QSOX2: variants seen among roughly 807,000 people sequenced by gnomAD.
QSOX2 encodes the protein sulfhydryl oxidase 2.
Under a neutral mutation model 61.7 loss-of-function variants are expected in QSOX2, and 46 were observed. That is an observed-to-expected ratio of 0.75 (90% CI 0.59 to 0.95). The LOEUF (loss-of-function observed/expected upper bound fraction) is 0.95, where lower values mean the gene tolerates loss of function less well. Ranked by LOEUF, QSOX2 falls within the 40% of genes least tolerant of loss-of-function variation. The probability of loss-of-function intolerance (pLI) is 0.00; values close to 1 mark genes in which losing one functional copy is unlikely to be tolerated. For synonymous variants in QSOX2, 383 were observed against 388.4 expected (o/e 0.99, Z 0.16); for missense variants, 879 against 918.9 (o/e 0.96, Z 0.56).
rs545799598 is a variant in QSOX2 at position 136,216,037 on chromosome 9, A to T, written c.1209+563T>A. 7.9e-5 allele frequency among the ~76,000 whole-genome samples: 12 copies of T among 152,340 alleles called. No homozygotes were observed. In the South Asian group the frequency reaches 2.5e-3, roughly 32 times the overall value. ...CGGCACGACAAGTGCACCTTACAGG[A>T]TTCCCAGAAGATCTGCTGTGTGCAC... On this transcript the variant is annotated intron_variant, in intron 9 of 11. Coordinates refer to ENST00000358701, the MANE Select transcript of QSOX2 (RefSeq NM_181701.4).
Position 136,222,725 on chromosome 9 carries a change from A to G in QSOX2, c.676-784T>C, listed in dbSNP as rs1442251909. Among the ~76,000 whole-genome samples, 1 of 152,166 alleles carries G rather than the reference A, an allele frequency of 6.6e-6. No individual in the cohort carries two copies. The highest frequency in any genetic ancestry group is 1.5e-5 in the Non-Finnish European group (1 of 68,018). Reference sequence around the variant, plus strand: ...GGAGCCTGGCTGCCCCGAACGCACCAGCATGCCAGGCAGGTAGGGGAGCGT... The same window carrying G: ...GGAGCCTGGCTGCCCCGAACGCACCGGCATGCCAGGCAGGTAGGGGAGCGT... On this transcript the variant is annotated intron_variant, in intron 5 of 11. Coordinates refer to ENST00000358701, the MANE Select transcript of QSOX2 (RefSeq NM_181701.4). The surrounding 1 kb of genome is among the most constrained non-coding windows in gnomAD (Gnocchi z 6.9).
At chr9:136,235,225 A>T (rs1830370372) in intron 1 of QSOX2, among the ~76,000 whole-genome samples, 1 of 152,234 alleles carries the variant, frequency 6.6e-6, no homozygotes, top group South Asian at 2.1e-4. Context: ...GCGGGGTCAA[A>T]GGCACGAGTG....
At chr9:136,216,880 G>A (rs1831920720) in intron 8 of QSOX2, among the ~76,000 whole-genome samples, 158 bp from the exon 9 acceptor site, 1 of 152,238 alleles carries the variant, frequency 6.6e-6, no homozygotes, top group South Asian at 2.1e-4. Context: ...ATGGGAGGCA[G>A]GAAACCCAAG....
At chr9:136,214,001 GGTTA>G (rs955876186) in intron 10 of QSOX2, among the ~76,000 whole-genome samples, 55 of 152,294 alleles carry the variant, frequency 3.6e-4, no homozygotes, top group African/African-American at 1.3e-3. Flanking sequence ...CAGCATTTTA[GGTTA>G]GTTTGTTATG....
chr9:136,223,722 C>T lies in QSOX2; in HGVS notation c.675+41G>A. 6.5e-7 allele frequency: 1 copy of T among 1,536,360 alleles called. No individual in the cohort carries two copies. Among genetic ancestry groups the T allele is most frequent in the Non-Finnish European group, 9.0e-7 (1 of 1,113,972 alleles). On this transcript the variant is annotated intron_variant, in intron 5 of 11. Coordinates refer to ENST00000358701, the MANE Select transcript of QSOX2 (RefSeq NM_181701.4). The surrounding 1 kb of genome is among the most constrained non-coding windows in gnomAD (Gnocchi z 4.4). The stretch of plus-strand genomic sequence containing the variant: ...TCACAGATCCACCGCCAACCCCAAT[C>T]ACACCACGTGTGACACCTGGAGCCC...
At position 136,223,636 on chromosome 9, in the gene QSOX2, G is replaced by C. The variant is rs188980132; in HGVS notation, c.675+127C>G. Reference sequence around the variant, plus strand: ...TAACTAAGCTTCTGATAATGAACAAGACCTAAAGCCACAGACAGGACACGA... The same window carrying C: ...TAACTAAGCTTCTGATAATGAACAACACCTAAAGCCACAGACAGGACACGA... On this transcript the variant is annotated intron_variant, in intron 5 of 11. Coordinates refer to ENST00000358701, the MANE Select transcript of QSOX2 (RefSeq NM_181701.4). This position sits in a 1 kb window ranked among gnomAD's most constrained non-coding sequence, Gnocchi z 4.4. The C allele has an allele frequency of 1.5e-6, 1 of 669,688 alleles. No homozygotes were observed. Among genetic ancestry groups the C allele is most frequent in the South Asian group, 1.9e-5 (1 of 53,042 alleles). The allele number at this position is 669,688 out of a possible 1,614,324, so 41.5% of individuals were successfully genotyped here.
chr9:136,239,586 C>A (rs2131070291), intron 1 of QSOX2, among the ~76,000 whole-genome samples: 1 of 152,364 alleles, frequency 6.6e-6, no homozygotes, highest in East Asian at 1.9e-4. Flanking sequence ...TGAATTCACG[C>A]AGAGCCCCTG....
intron 1 of QSOX2, among the ~76,000 whole-genome samples, chr9:136,235,205 G>A (rs1299264204): frequency 3.9e-5 from 6 of 152,270 alleles, no homozygotes; most frequent in African/African-American, 1.2e-4. Flanking sequence ...CAAGGGCAGT[G>A]TGAGGATCGG....
chr9:136,234,517 C>T (rs559814171), intron 1 of QSOX2, among the ~76,000 whole-genome samples: 2 of 152,314 alleles, frequency 1.3e-5, no homozygotes, highest in East Asian at 1.9e-4. Flanking sequence ...CCTAGAGCAA[C>T]GGTGGCAAAT....
chr9:136,210,889 G>C, intron 11 of QSOX2: 9 of 985,260 alleles, frequency 9.1e-6, no homozygotes, highest in Non-Finnish European at 1.1e-5. Context: ...TTGGACAACA[G>C]ATTTCCATAC....
chr9:136,237,493 GGCGACACCTGGAGCCCGTCCTGTGC>G (rs1830396690), intron 1 of QSOX2, among the ~76,000 whole-genome samples: 2 of 68,522 alleles, frequency 2.9e-5, no homozygotes, highest in Non-Finnish European at 6.0e-5. Context: ...GTCCTGTGCC[GGCGACACCTGGAGCCCGTCCTGTGC>G]CGGCGACACC....
chr9:136,209,090 T>C lies in QSOX2; in HGVS notation c.1735A>G (p.Ser579Gly). ...DTYSADQGDS[S>G]EGGTLARGEE... ...CCCCTGGCCAGGGTTCCTCCTTCAC[T>C]GGAATCCCCCTGGTCTGCGGAATAC... The change falls in exon 12 of 12, where the codon AGT (serine) becomes GGT (glycine). Residue 579 changes from serine (S) to glycine (G), a missense_variant. Coordinates refer to ENST00000358701, the MANE Select transcript of QSOX2 (RefSeq NM_181701.4). This position sits in a 1 kb window ranked among gnomAD's most constrained non-coding sequence, Gnocchi z 5.6. 1 of 1,614,104 alleles carries C rather than the reference T, an allele frequency of 6.2e-7. No homozygotes were observed. Among genetic ancestry groups the C allele is most frequent in the Non-Finnish European group, 8.5e-7 (1 of 1,180,008 alleles).
chr9:136,219,716 A>G (rs1401804854), intron 6 of QSOX2, among the ~76,000 whole-genome samples: 2 of 152,238 alleles, frequency 1.3e-5, no homozygotes, highest in Non-Finnish European at 2.9e-5. Flanking sequence ...CCTCAATGCC[A>G]TTATTGAGCA....
intron 1 of QSOX2, among the ~76,000 whole-genome samples, chr9:136,234,503 C>T (rs1260649337): frequency 6.6e-6 from 1 of 152,202 alleles, no homozygotes; most frequent in Non-Finnish European, 1.5e-5. Context: ...TGACAACGCA[C>T]CATCCTAGAG....
chr9:136,236,115 C>T (rs1290206621), intron 1 of QSOX2, among the ~76,000 whole-genome samples: 1 of 152,216 alleles, frequency 6.6e-6, no homozygotes, highest in African/African-American at 2.4e-5. Flanking sequence ...CTCTGCAAGC[C>T]ACCTGCCACC....
intron 6 of QSOX2, among the ~76,000 whole-genome samples, chr9:136,220,919 G>T (rs1831973345): frequency 6.6e-6 from 1 of 152,140 alleles, no homozygotes; most frequent in African/African-American, 2.4e-5. Flanking sequence ...TGTTGCCCAG[G>T]CTGGTCTGGA....
chr9:136,233,730 G>A (rs1830352971), intron 1 of QSOX2, among the ~76,000 whole-genome samples: 1 of 152,328 alleles, frequency 6.6e-6, no homozygotes, highest in South Asian at 2.1e-4. Context: ...CAAGAGAACA[G>A]AAGACGACGC....
chr9:136,211,030 AAGAGC>A, intron 11 of QSOX2: 1 of 547,964 alleles, frequency 1.8e-6, no homozygotes, highest in Non-Finnish European at 2.3e-6. Context: ...CACGGGGTCG[AAGAGC>A]CCCCGGAGTG....
chr9:136,233,975 C>T (rs760521319), intron 1 of QSOX2, among the ~76,000 whole-genome samples: 2 of 152,244 alleles, frequency 1.3e-5, no homozygotes, highest in African/African-American at 2.4e-5. Flanking sequence ...TGAAGTGACA[C>T]GGAACACGCC....
Sources: allele counts gnomAD v4.1 joint callset (sites outside exome capture counted in the v4.1 genomes callset), GRCh38; gene constraint gnomAD v4.1.1; non-coding constraint Gnocchi (gnomAD v3.1); transcripts MANE v1.5; gene names NCBI Gene and HGNC (gene_info 2026-07-23, HGNC 2026-07-21).